The following COG6 variants were observed in gnomAD, a reference collection of about 807,000 sequenced individuals.
The protein encoded by COG6 is component of oligomeric golgi complex 6, also known as conserved oligomeric Golgi complex subunit 6.
COG6 carries 74 observed loss-of-function variants against 88.8 expected under a neutral mutation model. That is an observed-to-expected ratio of 0.83 (90% CI 0.69 to 1.01). COG6 has a LOEUF of 1.01. Among genes scored for constraint, COG6 ranks in the 50% least tolerant of loss-of-function variants. The probability of loss-of-function intolerance (pLI) is 0.00; values close to 1 mark genes in which losing one functional copy is unlikely to be tolerated. For missense variants in COG6, 800 were observed against 797.9 expected (o/e 1.00, Z -0.03); for synonymous variants, 286 against 278.7 (o/e 1.03, Z -0.26).
chr13:39,680,592 T>C (rs1357074567), intron 7 of COG6, among the ~76,000 whole-genome samples: 1 of 152,200 alleles, frequency 6.6e-6, no homozygotes, highest in African/African-American at 2.4e-5. Flanking sequence ...TCTGTAGGCT[T>C]TAAGGGATAA....
At chr13:39,740,070 AC>A (rs1879966774) in intron 18 of COG6, among the ~76,000 whole-genome samples, 2 of 152,206 alleles carry the variant, frequency 1.3e-5, no homozygotes, top group African/African-American at 2.4e-5. Flanking sequence ...ATATAATGAA[AC>A]TTATAAAAAT....
At chr13:39,656,976 T>C (rs1400659235) in intron 1 of COG6, 3 of 433,582 alleles carry the variant, frequency 6.9e-6, no homozygotes, top group Non-Finnish European at 1.4e-5. Flanking sequence ...GTTTAATGTG[T>C]CTCATATTGA....
At chr13:39,671,039 C>A (rs1409661508) in intron 4 of COG6, among the ~76,000 whole-genome samples, 1 of 151,952 alleles carries the variant, frequency 6.6e-6, no homozygotes, top group Non-Finnish European at 1.5e-5. Flanking sequence ...CTTCTTTCTT[C>A]TTGTCTCATT....
chr13:39,659,339 C>G (rs375697854), intron 1 of COG6, 25 bp from the exon 2 acceptor site: 2 of 1,608,770 alleles, frequency 1.2e-6, no homozygotes, highest in African/African-American at 2.7e-5. Flanking sequence ...GTTCCAGTAA[C>G]TGTCTTCTGT....
At chr13:39,729,750 A>C (rs545640730) in intron 18 of COG6, among the ~76,000 whole-genome samples, 1 of 152,338 alleles carries the variant, frequency 6.6e-6, no homozygotes, top group African/African-American at 2.4e-5. Context: ...GGGCATTTTC[A>C]CACTTTTTTG....
At chr13:39,728,309 A>T (rs1229531227) in intron 18 of COG6, among the ~76,000 whole-genome samples, 1 of 152,200 alleles carries the variant, frequency 6.6e-6, no homozygotes. Context: ...TATTGAACAA[A>T]ACATTTCAGA....
At chr13:39,730,427 AT>A (rs1879370805) in intron 18 of COG6, among the ~76,000 whole-genome samples, 1 of 152,212 alleles carries the variant, frequency 6.6e-6, no homozygotes, top group Admixed American at 6.5e-5. Flanking sequence ...TTAGCTACTT[AT>A]TTTCAAATCA....
Position 39,655,753 on chromosome 13 carries a change from C to G in COG6, c.27C>G (p.Val9=). The change falls in exon 1 of 19, where the codon GTC becomes GTG. Residue 9 remains valine, a synonymous_variant. Transcript: ENST00000455146. MAEGSGEV[V]AVSATGAANG... is the part of the protein sequence containing the mutation. ...TGGCAGAGGGCAGCGGGGAAGTGGTCGCAGTGTCTGCGACCGGGGCTGCCA... is the reference window on the plus strand; with the variant it reads ...TGGCAGAGGGCAGCGGGGAAGTGGTGGCAGTGTCTGCGACCGGGGCTGCCA... 1 of 1,594,530 alleles carries G rather than the reference C, an allele frequency of 6.3e-7. No individual in the cohort carries two copies. Among genetic ancestry groups the G allele is most frequent in the Non-Finnish European group, 8.5e-7 (1 of 1,170,630 alleles).
At position 39,752,566 on chromosome 13, in the gene COG6, G is replaced by A; in HGVS notation, c.*1473G>A. 1.6e-6 allele frequency: 2 copies of A among 1,255,354 alleles called. No homozygotes were observed. The highest frequency in any genetic ancestry group is 2.1e-6 in the Non-Finnish European group (2 of 964,800). 77.8% of individuals were successfully genotyped at this position (1,255,354 alleles called of 1,614,324 possible). On this transcript the variant is annotated 3_prime_UTR_variant, in exon 19 of 19. Transcript: ENST00000455146. The stretch of plus-strand genomic sequence containing the variant: ...TACCTTGCTATGAGTGAATTCCTTT[G>A]TTTTATAGGGAAAATTTATTGTGCT...
intron 18 of COG6, among the ~76,000 whole-genome samples, chr13:39,770,250 A>C (rs897295102): frequency 1.3e-5 from 2 of 152,150 alleles, no homozygotes; most frequent in East Asian, 3.9e-4. Flanking sequence ...TGACCTCAGC[A>C]CTCCAGAAGA....
chr13:39,682,108 C>A, intron 7 of COG6, 63 bp from the exon 8 acceptor site: 1 of 1,168,900 alleles, frequency 8.6e-7, no homozygotes, highest in Non-Finnish European at 1.3e-6. Flanking sequence ...TCCTGGAATG[C>A]AACAGACATA....
chr13:39,788,188 C>T (rs763855217), intron 18 of COG6: 32 of 816,938 alleles, frequency 3.9e-5, no homozygotes, highest in Middle Eastern at 2.2e-4. Flanking sequence ...CATCTTCACA[C>T]GTACTCCACC....
At chr13:39,665,418 A>G (rs1875188377) in intron 4 of COG6, among the ~76,000 whole-genome samples, 1 of 152,206 alleles carries the variant, frequency 6.6e-6, no homozygotes. Context: ...GAGTTCAGAA[A>G]TGATGCTTTT....
At chr13:39,700,765 C>G (rs9548887) in intron 13 of COG6, among the ~76,000 whole-genome samples, 2 of 151,664 alleles carry the variant, frequency 1.3e-5, no homozygotes, top group Non-Finnish European at 3.0e-5. Context: ...TTATGAAAGA[C>G]ATGTGCCTAG....
rs1268517028 is a variant in COG6, at chr13:39,761,733, C to G, written c.1827-26602C>G. Reference sequence around the variant, plus strand: ...GGGCGAAAGAGCCAAATAAACATCTCTGAAAACCAGACGCAAGTGGCCAAC... The same window carrying G: ...GGGCGAAAGAGCCAAATAAACATCTGTGAAAACCAGACGCAAGTGGCCAAC... On this transcript the variant is annotated intron_variant, in intron 18 of 18. Coordinates refer to the COG6 transcript ENST00000416691. 2.0e-5 allele frequency among the ~76,000 whole-genome samples: 3 copies of G among 151,116 alleles called. No individual in the cohort carries two copies. The East Asian group carries it at 5.8e-4, about 29-fold the overall frequency.
downstream of COG6, among the ~76,000 whole-genome samples, chr13:39,757,028 G>C (rs1880858220): frequency 6.6e-6 from 1 of 152,100 alleles, no homozygotes; most frequent in Non-Finnish European, 1.5e-5. Flanking sequence ...AACAACAACA[G>C]AATACACATT....
intron 18 of COG6, among the ~76,000 whole-genome samples, chr13:39,783,179 C>G (rs1351932973): frequency 6.6e-6 from 1 of 152,162 alleles, no homozygotes; most frequent in Non-Finnish European, 1.5e-5. Flanking sequence ...AGAGGTCTTA[C>G]ATATTTTCAA....
chr13:39,705,146 C>T (rs1194161442), intron 13 of COG6, among the ~76,000 whole-genome samples: 15 of 152,072 alleles, frequency 9.9e-5, no homozygotes, highest in Admixed American at 9.8e-4. Context: ...TCTTCATTAG[C>T]AAAGCACCCA....
exon 19 of COG6, chr13:39,790,929 C>T (rs1026148246): frequency 3.3e-5 from 5 of 151,642 alleles, no homozygotes; most frequent in African/African-American, 2.4e-5. Flanking sequence ...TAAGTTGATT[C>T]TCTTGAGTTT....
Sources: allele counts gnomAD v4.1 joint callset (sites outside exome capture counted in the v4.1 genomes callset), GRCh38; gene constraint gnomAD v4.1.1; transcripts MANE v1.5; gene names NCBI Gene and HGNC (gene_info 2026-07-23, HGNC 2026-07-21).